CC2D1A: variants seen among roughly 807,000 people sequenced by gnomAD.
CC2D1A encodes coiled-coil and C2 domain containing 1A, also known as coiled-coil and C2 domain-containing protein 1A.
A neutral mutation model predicts 123.8 loss-of-function variants in CC2D1A; 68 were observed. The ratio of observed to expected loss-of-function variants is 0.55; its 90% confidence interval spans 0.45 to 0.67. CC2D1A has a LOEUF of 0.67. Among genes scored for constraint, CC2D1A ranks in the 30% least tolerant of loss-of-function variants. The probability of loss-of-function intolerance (pLI) is 0.00; values close to 1 mark genes in which losing one functional copy is unlikely to be tolerated. For synonymous variants in CC2D1A, 477 were observed against 528.0 expected, an observed-to-expected ratio of 0.90 and a Z score of 1.32; for missense variants, 1,185 against 1,290.3, an observed-to-expected ratio of 0.92 and a Z score of 1.25.
intron 6 of CC2D1A, among the ~76,000 whole-genome samples, chr19:13,914,111 C>T (rs1340153245): frequency 6.6e-6 from 1 of 151,974 alleles, no homozygotes; most frequent in East Asian, 1.9e-4. Context: ...TTCCTGACCT[C>T]AGGTGATCCA....
intron 6 of CC2D1A, among the ~76,000 whole-genome samples, chr19:13,917,649 C>T (rs1231536481): frequency 6.6e-6 from 1 of 152,006 alleles, no homozygotes; most frequent in Non-Finnish European, 1.5e-5. Context: ...TGCCACTGCA[C>T]TCCAGTCTGG....
Position 13,906,291 on chromosome 19 carries a change from C to T in CC2D1A, c.-151C>T. 1.8e-6 allele frequency: 1 copy of T among 555,614 alleles called. No individual in the cohort carries two copies. The highest frequency in any genetic ancestry group is 2.9e-6 in the Non-Finnish European group (1 of 345,386). 34.4% of individuals were successfully genotyped at this position (555,614 alleles called of 1,614,324 possible). On this transcript the variant is annotated 5_prime_UTR_variant, in exon 1 of 29. Transcript: ENST00000318003. This position sits in a 1 kb window ranked among gnomAD's most constrained non-coding sequence, Gnocchi z 4.1. Reference sequence around the variant, plus strand: ...CCGAGGCGGAAGTGGGACGGCCAAGCAGGGAAGCGAGGGCTCGGGATCGAC... The same window carrying T: ...CCGAGGCGGAAGTGGGACGGCCAAGTAGGGAAGCGAGGGCTCGGGATCGAC...
chr19:13,930,426 G>A lies in CC2D1A; in HGVS notation c.*31G>A. On this transcript the variant is annotated 3_prime_UTR_variant, in exon 29 of 29. Transcript: ENST00000318003. This position sits in a 1 kb window ranked among gnomAD's most constrained non-coding sequence, Gnocchi z 6.8. ...CCATGGGGCGGGCAGCCCCCAGAAA[G>A]CGGGCAGCAGGCCCCGATACCGGGA... 6.3e-7 allele frequency: 1 copy of A among 1,583,296 alleles called. No individual in the cohort carries two copies. Among genetic ancestry groups the A allele is most frequent in the Non-Finnish European group, 8.6e-7 (1 of 1,166,082 alleles).
intron 24 of CC2D1A, among the ~76,000 whole-genome samples, chr19:13,928,685 C>A (rs1279075445): frequency 1.3e-5 from 2 of 151,010 alleles, no homozygotes; most frequent in Non-Finnish European, 2.9e-5. Flanking sequence ...TCCCACCATA[C>A]CCCCAGTGCC....
intron 2 of CC2D1A, among the ~76,000 whole-genome samples, chr19:13,911,677 C>T (rs1265919245): frequency 2.1e-5 from 3 of 143,694 alleles, no homozygotes; most frequent in Admixed American, 1.4e-4. Context: ...TCTTTAGCAG[C>T]GGGGATTACA....
rs943217001 is a variant in CC2D1A at position 13,918,283 on chromosome 19, A to G, written c.873+89A>G. On this transcript the variant is annotated intron_variant, in intron 7 of 28. Transcript: ENST00000318003. ...GGCAAAGCACCCAAATTTGCATCCT[A>G]GCTTGGTCACTCCCTAGCAATAGTT... is the stretch of plus-strand genomic sequence containing the variant. The G allele has an allele frequency of 5.0e-6, 7 of 1,413,456 alleles. No individual in the cohort carries two copies. The African/African-American group carries it at 1.0e-4, about 20-fold the overall frequency. 87.6% of individuals were successfully genotyped at this position (1,413,456 alleles called of 1,614,324 possible). A position where few individuals can be genotyped will look rare whatever the true frequency, so the allele number is the denominator to read the frequency against.
chr19:13,925,273 G>C (rs925115995), intron 17 of CC2D1A, among the ~76,000 whole-genome samples: 5 of 152,092 alleles, frequency 3.3e-5, no homozygotes, highest in Admixed American at 3.3e-4. Flanking sequence ...GCACATAGTA[G>C]GTGCTCAAGA....
chr19:13,913,305 AAGTGGGC>A lies in CC2D1A; in HGVS notation c.513+6_513+12del, dbSNP rs541952457. 4,349 of 1,611,536 alleles carry A rather than the reference AAGTGGGC, an allele frequency of 2.7e-3. 5 individuals are homozygous for A. Among genetic ancestry groups the A allele is most frequent in the Non-Finnish European group, 3.2e-3 (3,740 of 1,178,602 alleles). On this transcript the variant is annotated splice_donor_5th_base_variant and intron_variant, in intron 5 of 28. Transcript: ENST00000318003. ...GGCGCTACGATCGGGGGCTTAAAGT[AAGTGGGC>A]AGAGGGCAGGGTACAGGGACCCCCC... is the stretch of plus-strand genomic sequence containing the variant.
chr19:13,910,464 C>T (rs1970964225), intron 2 of CC2D1A, among the ~76,000 whole-genome samples: 2 of 150,672 alleles, frequency 1.3e-5, no homozygotes, highest in African/African-American at 4.9e-5. Flanking sequence ...GAGTTGGAAT[C>T]CGAGCTCTGC....
Position 13,930,155 on chromosome 19 carries a change from G to T in CC2D1A, c.2787+1G>T. On this transcript the variant is annotated splice_donor_variant, in intron 27 of 28. Transcript: ENST00000318003. LOFTEE classifies it high-confidence loss of function. This position sits in a 1 kb window ranked among gnomAD's most constrained non-coding sequence, Gnocchi z 6.8. ...GCGCCTGGGCAACGATGGCAGCAGG[G>T]TGAGCTGGTCGCGGGCCGGGTGGGC... is the stretch of plus-strand genomic sequence containing the variant. 1 of 1,613,410 alleles carries T rather than the reference G, an allele frequency of 6.2e-7. No individual in the cohort carries two copies. Among genetic ancestry groups the T allele is most frequent in the South Asian group, 1.1e-5 (1 of 91,054 alleles).
At chr19:13,916,409 T>A (rs1971209123) in intron 6 of CC2D1A, among the ~76,000 whole-genome samples, 1 of 150,612 alleles carries the variant, frequency 6.6e-6, no homozygotes, top group South Asian at 2.1e-4. Flanking sequence ...TATAAAAAAT[T>A]AAAAATTAGC....
At chr19:13,920,058 GC>G in intron 12 of CC2D1A, 107 bp downstream of exon 12, 1 of 1,178,686 alleles carries the variant, frequency 8.5e-7, no homozygotes, top group Non-Finnish European at 1.2e-6. Flanking sequence ...ACCATCCTGG[GC>G]CACACAGTGA....
At chr19:13,916,134 G>A (rs1215407096) in intron 6 of CC2D1A, among the ~76,000 whole-genome samples, 1 of 152,142 alleles carries the variant, frequency 6.6e-6, no homozygotes, top group Non-Finnish European at 1.5e-5. Context: ...GTGCATGCTG[G>A]TAGTCCCAGC....
intron 2 of CC2D1A, 95 bp from the exon 3 acceptor site, chr19:13,912,228 C>A: frequency 7.4e-7 from 1 of 1,345,008 alleles, no homozygotes; most frequent in Non-Finnish European, 1.0e-6. Flanking sequence ...ATGGGGAAGT[C>A]AGCGAGAAGT....
intron 22 of CC2D1A, chr19:13,927,574 C>T (rs1045559733): frequency 3.7e-5 from 17 of 456,694 alleles, no homozygotes; most frequent in South Asian, 7.3e-5. Context: ...GTCAGGAGAT[C>T]GAGACCATCC....
At position 13,913,279 on chromosome 19, in the gene CC2D1A, C is replaced by T. The variant is rs781491587; in HGVS notation, c.490C>T (p.Arg164Trp). 1.2e-5 allele frequency: 19 copies of T among 1,612,880 alleles called. No homozygotes were observed. Among genetic ancestry groups the T allele is most frequent in the South Asian group, 2.2e-5 (2 of 90,922 alleles). ...ACAAGCTGGAGACAGCGCCAAGATG[C>T]GGCGCTACGATCGGGGGCTTAAAGT... ...ARQAGDSAKM[R>W]RYDRGLKTLE... The change falls in exon 5 of 29, where the codon CGG becomes TGG. Residue 164 changes from arginine (R) to tryptophan (W), a missense_variant. Physicochemically the swap from Arg to Trp is moderately radical, Grantham distance 101. Transcript: ENST00000318003.
rs774695727 is a variant in CC2D1A, at chr19:13,912,499, T to C, written c.313-29T>C. On this transcript the variant is annotated intron_variant, in intron 3 of 28. Coordinates refer to ENST00000318003, the MANE Select transcript of CC2D1A (RefSeq NM_017721.5). ...GTTGCCCCCATCCAGCAGGCCCTTA[T>C]ATCCTGCCCTGGCTGTGTGTCCCTG... is the stretch of plus-strand genomic sequence containing the variant. 1.9e-6 allele frequency: 3 copies of C among 1,613,996 alleles called. No individual in the cohort carries two copies. In the Admixed American group the frequency reaches 5.0e-5, roughly 27 times the overall value.
chr19:13,913,628 G>T lies in CC2D1A; in HGVS notation c.738G>T (p.Gln246His), dbSNP rs1023824515. 2 of 1,605,386 alleles carry T rather than the reference G, an allele frequency of 1.2e-6. No homozygotes were observed. The highest frequency in any genetic ancestry group is 1.3e-5 in the African/African-American group (1 of 74,698). Residue 246 changes from glutamine (Q) to histidine (H), a missense_variant, in exon 6 of 29, where the codon CAG becomes CAT. Coordinates refer to ENST00000318003, the MANE Select transcript of CC2D1A (RefSeq NM_017721.5). ...PASSPGLAKP[Q>H]MPPGPCSPGP... Reference sequence around the variant, plus strand: ...CATCTCCAGGCTTGGCTAAGCCCCAGATGCCCCCAGGTAGGTGATGGGCAG... The same window carrying T: ...CATCTCCAGGCTTGGCTAAGCCCCATATGCCCCCAGGTAGGTGATGGGCAG...
intron 14 of CC2D1A, among the ~76,000 whole-genome samples, chr19:13,922,116 C>T (rs779906167): frequency 1.3e-5 from 2 of 152,200 alleles, no homozygotes; most frequent in African/African-American, 2.4e-5. Flanking sequence ...ATTCTCCTGC[C>T]TTAGCCTCCC....
Sources: gnomAD v4.1 joint callset for allele counts (sites outside exome capture counted in the v4.1 genomes callset) on GRCh38, gnomAD v4.1.1 for gene constraint, Gnocchi (gnomAD v3.1) non-coding constraint, MANE v1.5 for transcripts, NCBI Gene and HGNC (gene_info 2026-07-23, HGNC 2026-07-21) for gene names.